GTF2F2: variants seen among roughly 807,000 people sequenced by gnomAD.
The protein encoded by GTF2F2 is general transcription factor IIF subunit 2.
Under a neutral mutation model 42.2 loss-of-function variants are expected in GTF2F2, and 23 were observed. The ratio of observed to expected loss-of-function variants is 0.55; its 90% CI spans 0.39 to 0.77. The LOEUF (loss-of-function observed/expected upper bound fraction) is 0.77. Among genes scored for constraint, GTF2F2 ranks in the 30% least tolerant of loss-of-function variants. GTF2F2 has a pLI of 0.00. For missense variants in GTF2F2, 261 were observed against 287.2 expected, an observed-to-expected ratio of 0.91 and a Z score of 0.66; for synonymous variants, 105 against 100.8, an observed-to-expected ratio of 1.04 and a Z score of -0.25.
At chr13:45,207,351 TGTTTAGTGTGTC>T in intron 4 of GTF2F2, 61 bp from the exon 5 acceptor site, 1 of 825,866 alleles carries the variant, frequency 1.2e-6, no homozygotes, top group South Asian at 1.5e-5. Flanking sequence ...CATATTACTG[TGTTTAGTGTGTC>T]AAAATACAGT....
intron 2 of GTF2F2, among the ~76,000 whole-genome samples, chr13:45,139,602 G>T (rs1007186218): frequency 6.6e-6 from 1 of 152,104 alleles, no homozygotes; most frequent in Non-Finnish European, 1.5e-5. Context: ...CACCCTGCAG[G>T]CTCTATCTCC....
chr13:45,270,030 C>T (rs1267150200), intron 7 of GTF2F2, among the ~76,000 whole-genome samples: 1 of 152,148 alleles, frequency 6.6e-6, no homozygotes, highest in Non-Finnish European at 1.5e-5. Flanking sequence ...TGAGGTTTCA[C>T]CATGTTGACA....
chr13:45,154,793 G>T (rs557888396), intron 4 of GTF2F2, among the ~76,000 whole-genome samples: 2 of 152,172 alleles, frequency 1.3e-5, no homozygotes, highest in East Asian at 3.9e-4. Flanking sequence ...AAACACTTTA[G>T]GTTTTAAGTT....
chr13:45,187,469 A>T (rs1426187513), intron 4 of GTF2F2, among the ~76,000 whole-genome samples: 2 of 152,210 alleles, frequency 1.3e-5, no homozygotes, highest in Non-Finnish European at 2.9e-5. Flanking sequence ...TTTGCTAGAA[A>T]ATATTGAACC....
At chr13:45,206,912 A>G (rs936356927) in intron 4 of GTF2F2, 2 of 152,378 alleles carry the variant, frequency 1.3e-5, no homozygotes, top group African/African-American at 4.8e-5. Context: ...GGTACACAAT[A>G]TAACCCAGAC....
chr13:45,239,231 T>C (rs1451816594), intron 5 of GTF2F2, among the ~76,000 whole-genome samples: 2 of 152,140 alleles, frequency 1.3e-5, no homozygotes, highest in Non-Finnish European at 2.9e-5. Flanking sequence ...ACCTTCAAGT[T>C]CCAGATAAAG....
In GTF2F2 at chr13:45,120,516, T is replaced by G; in HGVS notation, c.-140T>G. ...GCGGCGTGTTCCTCTTTTCCTCGGT[T>G]CCCAGTGTTCTGGCAGGTAAGGAAC... On this transcript the variant is annotated 5_prime_UTR_variant, in exon 1 of 8. Transcript: ENST00000340473. 1 of 637,560 alleles carries G rather than the reference T, an allele frequency of 1.6e-6. No homozygotes were observed. 39.5% of individuals were successfully genotyped at this position (637,560 alleles called of 1,614,324 possible).
intron 5 of GTF2F2, among the ~76,000 whole-genome samples, chr13:45,251,836 A>G (rs9595281): frequency 0.16 from 25,078 of 152,152 alleles, 2,522 homozygotes; most frequent in Non-Finnish European, 0.23. Flanking sequence ...ATTTTCTTAA[A>G]AAACTGCAAT....
intron 2 of GTF2F2, among the ~76,000 whole-genome samples, chr13:45,138,117 C>T (rs1446343059): frequency 3.3e-5 from 5 of 152,150 alleles, no homozygotes; most frequent in Admixed American, 6.5e-5. Flanking sequence ...CACATCTCTT[C>T]TCCTCTCGCC....
At chr13:45,163,401 T>A (rs1326997516) in intron 4 of GTF2F2, among the ~76,000 whole-genome samples, 1 of 152,056 alleles carries the variant, frequency 6.6e-6, no homozygotes, top group Non-Finnish European at 1.5e-5. Flanking sequence ...CCAGGCATGG[T>A]GGCGCACGCT....
chr13:45,165,993 T>C (rs577355244), intron 4 of GTF2F2, among the ~76,000 whole-genome samples: 24 of 152,008 alleles, frequency 1.6e-4, no homozygotes, highest in East Asian at 9.7e-4. Context: ...TTTGTATTTT[T>C]AGTAGAGACG....
intron 4 of GTF2F2, among the ~76,000 whole-genome samples, chr13:45,201,483 TATC>T (rs1381923241): frequency 6.6e-6 from 1 of 152,208 alleles, no homozygotes; most frequent in Non-Finnish European, 1.5e-5. Flanking sequence ...ATTCTAGTAA[TATC>T]ATTATTATGG....
chr13:45,265,654 A>G (rs900694542), intron 6 of GTF2F2, among the ~76,000 whole-genome samples: 4 of 152,170 alleles, frequency 2.6e-5, no homozygotes, highest in African/African-American at 9.7e-5. Flanking sequence ...ACCTTTTACC[A>G]CTAATTTGAC....
intron 5 of GTF2F2, among the ~76,000 whole-genome samples, chr13:45,223,260 A>C: frequency 1.4e-5 from 1 of 70,816 alleles, no homozygotes; most frequent in Non-Finnish European, 2.7e-5. Context: ...ACCTTGTCTC[A>C]ATAAAAAAAA....
rs1456127216 is a variant in GTF2F2, at chr13:45,212,493, T to TTC, written c.386+4990_386+4991dup. Among the ~76,000 whole-genome samples, 6 of 117,502 alleles carry TTC rather than the reference T, an allele frequency of 5.1e-5. 1 individual carries two copies. Among genetic ancestry groups the TTC allele is most frequent in the African/African-American group, 1.8e-4 (6 of 32,890 alleles). 77.1% of individuals were successfully genotyped at this position (117,502 alleles called of 152,430 possible). A position where few individuals can be genotyped will look rare whatever the true frequency, so the allele number is the denominator to read the frequency against. On this transcript the variant is annotated intron_variant, in intron 5 of 7. Coordinates refer to ENST00000340473, the MANE Select transcript of GTF2F2 (RefSeq NM_004128.3). ...TTTCTTTCTTTCTTTCTTTCTTTCTTTCTTTCTTTCTTTCTTTTCTTTCTT... is the reference window on the plus strand; with the variant it reads ...TTTCTTTCTTTCTTTCTTTCTTTCTTTCTCTTTCTTTCTTTCTTTTCTTTCTT...
At chr13:45,249,532 G>A (rs1357015160) in intron 5 of GTF2F2, among the ~76,000 whole-genome samples, 2 of 152,194 alleles carry the variant, frequency 1.3e-5, no homozygotes. Context: ...TCTGGATGCA[G>A]TGGCTACAAA....
chr13:45,240,055 A>G (rs1023898323), intron 5 of GTF2F2, among the ~76,000 whole-genome samples: 4 of 145,112 alleles, frequency 2.8e-5, no homozygotes, highest in Non-Finnish European at 4.5e-5. Flanking sequence ...TGAAGATGCT[A>G]GTTTTATATA....
intron 5 of GTF2F2, among the ~76,000 whole-genome samples, chr13:45,208,315 A>T (rs1206655902): frequency 2.0e-5 from 3 of 152,192 alleles, no homozygotes; most frequent in Non-Finnish European, 4.4e-5. Context: ...TGCTGATTGT[A>T]AATTCTTGAT....
intron 5 of GTF2F2, among the ~76,000 whole-genome samples, chr13:45,243,621 G>A (rs1875436877): frequency 6.6e-6 from 1 of 151,706 alleles, no homozygotes; most frequent in South Asian, 2.1e-4. Flanking sequence ...TGGTTTTACT[G>A]TTTTTTTTTA....
Sources: gnomAD v4.1 joint callset for allele counts (sites outside exome capture counted in the v4.1 genomes callset) on GRCh38, gnomAD v4.1.1 for gene constraint, MANE v1.5 for transcripts, NCBI Gene and HGNC (gene_info 2026-07-23, HGNC 2026-07-21) for gene names.